The following NARF variants were observed in gnomAD, a reference collection of about 807,000 sequenced individuals.
NARF encodes iron-only hydrogenase-like protein 2.
In NARF, 41 loss-of-function variants were observed where a neutral mutation model predicts 48.0. That is an observed-to-expected ratio of 0.85 (90% confidence interval 0.66 to 1.11). The LOEUF (loss-of-function observed/expected upper bound fraction) is 1.11. Ranked by LOEUF, NARF falls within the 50% of genes least tolerant of loss-of-function variation. NARF has a pLI of 0.00. For synonymous variants in NARF, 215 were observed against 225.5 expected, an observed-to-expected ratio of 0.95 and a Z score of 0.42; for missense variants, 613 against 590.2, an observed-to-expected ratio of 1.04 and a Z score of -0.40.
At chr17:82,486,261 G>C (rs530718585) in intron 10 of NARF, among the ~76,000 whole-genome samples, 13 of 152,308 alleles carry the variant, frequency 8.5e-5, no homozygotes, top group African/African-American at 2.9e-4. Context: ...CAGGGAAGAA[G>C]GGGACCCTCT....
At chr17:82,467,477 TTTTTTTATTTTTTTA>T (rs2043597437) in intron 3 of NARF, among the ~76,000 whole-genome samples, 1 of 151,730 alleles carries the variant, frequency 6.6e-6, no homozygotes, top group South Asian at 2.1e-4. Flanking sequence ...CTGGTAACTT[TTTTTTTATTTTTTTA>T]TTTTTTATTT....
rs1324280017 is a variant in NARF, at chr17:82,471,161, G to GA, written c.386-1391dup. 1.3e-3 allele frequency among the ~76,000 whole-genome samples: 181 copies of GA among 138,220 alleles called. 2 individuals are homozygous for GA. Among genetic ancestry groups the GA allele is most frequent in the African/African-American group, 3.8e-3 (145 of 38,094 alleles). The allele number at this position is 138,220 out of a possible 152,430, so 90.7% of individuals were successfully genotyped here. A position where few individuals can be genotyped will look rare whatever the true frequency, so the allele number is the denominator to read the frequency against. On this transcript the variant is annotated intron_variant, in intron 4 of 10. Transcript: ENST00000309794. ...CCTGGGTGACAGAGCATGACTGTCT[G>GA]AAAAAAAAAAAAGGCTGGGCATGTT...
At chr17:82,479,362 CG>C (rs1460269134) in intron 6 of NARF, among the ~76,000 whole-genome samples, 1 of 152,210 alleles carries the variant, frequency 6.6e-6, no homozygotes, top group Non-Finnish European at 1.5e-5. Context: ...CCTCAGACCA[CG>C]GGCATCACAT....
chr17:82,487,804 T>G, intron 10 of NARF, 112 bp from the exon 11 acceptor site: 1 of 374,002 alleles, frequency 2.7e-6, no homozygotes, highest in Non-Finnish European at 4.6e-6. Flanking sequence ...CTACAAAAAA[T>G]TTAAAAATCA....
At chr17:82,467,795 T>C (rs2043605599) in intron 3 of NARF, among the ~76,000 whole-genome samples, 1 of 151,974 alleles carries the variant, frequency 6.6e-6, no homozygotes, top group South Asian at 2.1e-4. Flanking sequence ...TGAGCCACCA[T>C]GCCCAGCCGG....
At chr17:82,486,867 T>TA (rs1423439467) in intron 10 of NARF, among the ~76,000 whole-genome samples, 2 of 152,222 alleles carry the variant, frequency 1.3e-5, no homozygotes, top group African/African-American at 4.8e-5. Flanking sequence ...TGACATCATC[T>TA]AACACGTTGG....
At chr17:82,487,771 C>T in intron 10 of NARF, 145 bp from the exon 11 acceptor site, 1 of 637,400 alleles carries the variant, frequency 1.6e-6, no homozygotes. Flanking sequence ...AACATAGCAA[C>T]ACCCGCCCCT....
At chr17:82,475,434 A>G (rs2043810865) in intron 5 of NARF, among the ~76,000 whole-genome samples, 1 of 152,180 alleles carries the variant, frequency 6.6e-6, no homozygotes, top group Non-Finnish European at 1.5e-5. Context: ...CCCCGTCTCT[A>G]CTAAAAATAC....
At chr17:82,468,310 T>G (rs1160915809) in intron 3 of NARF, among the ~76,000 whole-genome samples, 3 of 149,942 alleles carry the variant, frequency 2.0e-5, no homozygotes, top group African/African-American at 4.9e-5. Context: ...AAACTCTGTT[T>G]TTTTTTTTTT....
chr17:82,459,742 A>AGGTG (rs2043386278), intron 1 of NARF, among the ~76,000 whole-genome samples: 1 of 152,040 alleles, frequency 6.6e-6, no homozygotes, highest in African/African-American at 2.4e-5. Context: ...GGTGGCGCAC[A>AGGTG]CCTGTAATCC....
At chr17:82,475,322 C>T (rs1268776364) in intron 5 of NARF, among the ~76,000 whole-genome samples, 4 of 152,256 alleles carry the variant, frequency 2.6e-5, no homozygotes, top group East Asian at 1.9e-4. Context: ...AAATTTAGGC[C>T]GGGCGCAGTG....
intron 6 of NARF, chr17:82,479,265 C>G (rs1007899791): frequency 5.2e-6 from 1 of 192,864 alleles, no homozygotes; most frequent in African/African-American, 2.4e-5. Flanking sequence ...GGATGCCTCA[C>G]CCAAGGAGGC....
At chr17:82,466,749 G>A (rs899745471) in intron 3 of NARF, among the ~76,000 whole-genome samples, 4 of 151,980 alleles carry the variant, frequency 2.6e-5, no homozygotes, top group South Asian at 2.1e-4. Context: ...CACCACACCC[G>A]GCCAGATACA....
chr17:82,487,819 G>T, intron 10 of NARF, 97 bp from the exon 11 acceptor site: 2 of 1,367,350 alleles, frequency 1.5e-6, no homozygotes, highest in Non-Finnish European at 2.0e-6. Flanking sequence ...AAATCAGCCG[G>T]GCAAGGTGGT....
chr17:82,475,351 A>G (rs995911623), intron 5 of NARF, among the ~76,000 whole-genome samples: 2 of 152,264 alleles, frequency 1.3e-5, no homozygotes, highest in South Asian at 2.1e-4. Context: ...CTGTAATCCC[A>G]GCACTTTGGG....
upstream of NARF, chr17:82,458,429 G>T: frequency 4.6e-6 from 1 of 219,606 alleles, no homozygotes; most frequent in South Asian, 1.1e-4. Context: ...ACTCCCTGGT[G>T]AACGCCGCTT....
Position 82,478,850 on chromosome 17 carries a change from C to T in NARF, c.571C>T (p.Leu191Phe), listed in dbSNP as rs868732794. 1 of 1,614,090 alleles carries T rather than the reference C, an allele frequency of 6.2e-7. No homozygotes were observed. The highest frequency in any genetic ancestry group is 8.5e-7 in the Non-Finnish European group (1 of 1,180,004). ...GCTGGGTCGCCCCATCACTGCCCAC[C>T]TCTGCACCGCCAAGTCCCCCCAGCA... ...RVLGRPITAH[L>F]CTAKSPQQVM... Residue 191 changes from leucine to phenylalanine, a missense_variant, in exon 6 of 11, where the codon CTC becomes TTC. By Grantham distance (22) the Leu-to-Phe change is conservative. Coordinates refer to ENST00000309794, the MANE Select transcript of NARF (RefSeq NM_012336.4).
intron 4 of NARF, 95 bp from the exon 5 acceptor site, chr17:82,472,469 A>T: frequency 7.2e-7 from 1 of 1,389,886 alleles, no homozygotes; most frequent in Non-Finnish European, 9.6e-7. Context: ...GGGTGACAGA[A>T]CGAGACTCCG....
chr17:82,458,859 G>T (rs757402007), intron 1 of NARF, 29 bp downstream of exon 1: 3 of 1,390,932 alleles, frequency 2.2e-6, no homozygotes, highest in South Asian at 1.7e-5. Flanking sequence ...GGAGGCGCGC[G>T]CCTGGTGCTT....
Sources: allele counts gnomAD v4.1 joint callset (sites outside exome capture counted in the v4.1 genomes callset), GRCh38; gene constraint gnomAD v4.1.1; transcripts MANE v1.5; gene names NCBI Gene and HGNC (gene_info 2026-07-23, HGNC 2026-07-21).